INTS2: variants seen among roughly 807,000 people sequenced by gnomAD.
INTS2 encodes integrator complex subunit 2.
In INTS2, 57 loss-of-function variants were observed where a neutral mutation model predicts 139.6. The observed-to-expected ratio is 0.41, with a 90% CI of 0.33 to 0.51. INTS2 has a LOEUF of 0.51. Ranked by LOEUF, INTS2 falls within the 20% of genes least tolerant of loss-of-function variation. The probability of loss-of-function intolerance (pLI) is 0.28; values close to 1 mark genes in which losing one functional copy is unlikely to be tolerated. For missense variants in INTS2, 1,196 were observed against 1,436.7 expected, an observed-to-expected ratio of 0.83 and a Z score of 2.71; for synonymous variants, 473 against 493.4, an observed-to-expected ratio of 0.96 and a Z score of 0.55.
chr17:61,912,045 T>A lies in INTS2; in HGVS notation c.675A>T (p.Gly225=), dbSNP rs1182403407. The A allele has an allele frequency of 6.2e-7, 1 of 1,613,776 alleles. No individual in the cohort carries two copies. Among genetic ancestry groups the A allele is most frequent in the South Asian group, 1.1e-5 (1 of 91,060 alleles). The change falls in exon 6 of 25, where the codon GGA becomes GGT. Residue 225 remains glycine, a synonymous_variant. Coordinates refer to ENST00000251334, the MANE Select transcript of INTS2 (RefSeq NM_001351695.2). ...CAAGACTTTCTTCATCTTGTCGTTCTCCATTTTTTATCAGGCCCCTACAAA... is the reference window on the plus strand; with the variant it reads ...CAAGACTTTCTTCATCTTGTCGTTCACCATTTTTTATCAGGCCCCTACAAA... ...NEVCRGLIKN[G]ERQDEESLGG... is the part of the protein sequence containing the mutation.
intron 13 of INTS2, among the ~76,000 whole-genome samples, chr17:61,892,483 G>C (rs2079304781): frequency 6.6e-6 from 1 of 152,128 alleles, no homozygotes; most frequent in Non-Finnish European, 1.5e-5. Context: ...AGTCATGGCA[G>C]CTTCCCCAAT....
At chr17:61,903,648 C>A (rs1366364117) in intron 9 of INTS2, among the ~76,000 whole-genome samples, 1 of 145,630 alleles carries the variant, frequency 6.9e-6, no homozygotes, top group Non-Finnish European at 1.5e-5. Flanking sequence ...AACAAAAACA[C>A]AGGATAAATA....
intron 12 of INTS2, 121 bp from the exon 13 acceptor site, chr17:61,894,020 G>A: frequency 1.9e-6 from 1 of 522,104 alleles, no homozygotes; most frequent in Non-Finnish European, 3.2e-6. Flanking sequence ...AATGAATGAT[G>A]AAAATAAATT....
At chr17:61,891,391 T>G in intron 14 of INTS2, 122 bp downstream of exon 14, 2 of 761,304 alleles carry the variant, frequency 2.6e-6, no homozygotes, top group East Asian at 2.6e-5. Context: ...CTAAGGAAAT[T>G]TAATCTAATT....
intron 16 of INTS2, among the ~76,000 whole-genome samples, chr17:61,883,594 T>G (rs181344505): frequency 6.6e-6 from 1 of 151,406 alleles, no homozygotes; most frequent in Non-Finnish European, 1.5e-5. Flanking sequence ...CCACTAAAAA[T>G]ACAAAAATTT....
At chr17:61,903,245 G>C (rs1323113174) in intron 9 of INTS2, among the ~76,000 whole-genome samples, 1 of 147,014 alleles carries the variant, frequency 6.8e-6, no homozygotes, top group Non-Finnish European at 1.5e-5. Flanking sequence ...AACAAAGACA[G>C]GAGTCGCACT....
intron 11 of INTS2, among the ~76,000 whole-genome samples, chr17:61,896,925 A>C (rs1403127957): frequency 6.6e-6 from 1 of 152,196 alleles, no homozygotes; most frequent in Non-Finnish European, 1.5e-5. Flanking sequence ...TATCCTAAGA[A>C]AATAATCCAA....
Position 61,907,388 on chromosome 17 carries a change from A to G in INTS2, c.1181+20T>C. 1.3e-6 allele frequency: 2 copies of G among 1,537,898 alleles called. No individual in the cohort carries two copies. The highest frequency in any genetic ancestry group is 1.8e-6 in the Non-Finnish European group (2 of 1,132,764). ...AGAAGGTAAAATGACAAAAAGGTAA[A>G]ATATCAAACTATTGAATACTTGAGT... On this transcript the variant is annotated intron_variant, in intron 8 of 24. Transcript: ENST00000251334.
rs778963495 is a variant in INTS2, at chr17:61,869,461, A to C, written c.3031-81T>G. 1.8e-4 allele frequency: 195 copies of C among 1,110,620 alleles called. 1 individual carries two copies. Among genetic ancestry groups the C allele is most frequent in the Non-Finnish European group, 2.4e-4 (185 of 766,868 alleles). The allele number at this position is 1,110,620 out of a possible 1,614,324, so 68.8% of individuals were successfully genotyped here. A position where few individuals can be genotyped will look rare whatever the true frequency, so the allele number is the denominator to read the frequency against. ...GATAAAAATACAAATGAAAGATTTC[A>C]TTTCCTTTCTGTAAAAATTGCTCAG... On this transcript the variant is annotated intron_variant, in intron 21 of 24. Coordinates refer to ENST00000251334, the MANE Select transcript of INTS2 (RefSeq NM_001351695.2). The surrounding 1 kb of genome is among the most constrained non-coding windows in gnomAD (Gnocchi z 5.4).
In INTS2 at chr17:61,926,667, T is replaced by A. The variant is rs547464491; in HGVS notation, c.-18-5A>T. ...CATTATTACTGTTTGTTGATCCTAA[T>A]GGTAAAAATACAAATGAAAGTAGGA... On this transcript the variant is annotated splice_region_variant and splice_polypyrimidine_tract_variant and intron_variant, in intron 1 of 24. Coordinates refer to ENST00000251334, the MANE Select transcript of INTS2 (RefSeq NM_001351695.2). The A allele has an allele frequency of 6.3e-7, 1 of 1,590,076 alleles. No homozygotes were observed. Among genetic ancestry groups the A allele is most frequent in the Non-Finnish European group, 8.6e-7 (1 of 1,166,324 alleles).
chr17:61,872,291 A>G lies in INTS2; in HGVS notation c.2752T>C (p.Leu918=). ...TDAPEVTREE[L]KNALLAAQDS... ...TGAGCGGCCAGTAATGCATTTTTCA[A>G]TTCTTCCCTGGTAACTTCCGGAGCA... is the stretch of plus-strand genomic sequence containing the variant. Residue 918 remains leucine, a synonymous_variant, in exon 20 of 25, where the codon TTG becomes CTG. Transcript: ENST00000251334. This position sits in a 1 kb window ranked among gnomAD's most constrained non-coding sequence, Gnocchi z 4.8. 7 of 1,611,226 alleles carry G rather than the reference A, an allele frequency of 4.3e-6. No individual in the cohort carries two copies. The highest frequency in any genetic ancestry group is 1.1e-5 in the South Asian group (1 of 90,704).
chr17:61,878,723 C>T (rs892870650), intron 17 of INTS2, among the ~76,000 whole-genome samples: 25 of 152,088 alleles, frequency 1.6e-4, no homozygotes, highest in African/African-American at 5.8e-4. Flanking sequence ...AGGAGGATTG[C>T]ATGAGTCCAG....
chr17:61,895,747 T>C (rs2079341242), intron 11 of INTS2, among the ~76,000 whole-genome samples: 1 of 152,028 alleles, frequency 6.6e-6, no homozygotes, highest in Non-Finnish European at 1.5e-5. Flanking sequence ...TATATGTATA[T>C]ATGTATATGT....
intron 2 of INTS2, among the ~76,000 whole-genome samples, chr17:61,925,734 C>T (rs891155608): frequency 2.0e-5 from 3 of 151,932 alleles, no homozygotes; most frequent in Non-Finnish European, 4.4e-5. Context: ...CTTTAAAAGC[C>T]TCCCAAGAGG....
At chr17:61,891,817 C>T in intron 13 of INTS2, 128 bp from the exon 14 acceptor site, 1 of 636,570 alleles carries the variant, frequency 1.6e-6, no homozygotes, top group South Asian at 2.4e-5. Context: ...TTTGGCAGTT[C>T]CAAATATATT....
At position 61,882,592 on chromosome 17, in the gene INTS2, G is replaced by A. The variant is rs562696802; in HGVS notation, c.2090-1421C>T. Among the ~76,000 whole-genome samples, 13 of 152,254 alleles carry A rather than the reference G, an allele frequency of 8.5e-5. No individual in the cohort carries two copies. The South Asian group carries it at 2.7e-3, about 32-fold the overall frequency. On this transcript the variant is annotated intron_variant, in intron 16 of 24. Transcript: ENST00000251334. The surrounding 1 kb of genome is among the most constrained non-coding windows in gnomAD (Gnocchi z 4.7). ...AAAAATACAAAAATTAGCCAGGCGT[G>A]GTGGCACACGCCTGTAATCCTGGCT...
In INTS2 at chr17:61,867,017, G is replaced by A. The variant is rs1307188871; in HGVS notation, c.*540C>T. On this transcript the variant is annotated 3_prime_UTR_variant, in exon 25 of 25. Transcript: ENST00000251334. The surrounding 1 kb of genome is among the most constrained non-coding windows in gnomAD (Gnocchi z 5.6). The stretch of plus-strand genomic sequence containing the variant: ...AAGTCTTCTCAATACTCTTTCTTGA[G>A]AACTAGAATTCCAACTTGCATTACT... 1 of 152,182 alleles carries A rather than the reference G, an allele frequency of 6.6e-6. No individual in the cohort carries two copies. Among genetic ancestry groups the A allele is most frequent in the Non-Finnish European group, 1.5e-5 (1 of 68,028 alleles). 9.4% of individuals were successfully genotyped at this position (152,182 alleles called of 1,614,324 possible). A position where few individuals can be genotyped will look rare whatever the true frequency, so the allele number is the denominator to read the frequency against.
chr17:61,888,429 C>A (rs1178199579), intron 15 of INTS2, among the ~76,000 whole-genome samples: 1 of 152,152 alleles, frequency 6.6e-6, no homozygotes, highest in African/African-American at 2.4e-5. Flanking sequence ...GGTAAACCTT[C>A]TTTTTCAAAT....
chr17:61,927,442 T>C (rs1472597280), intron 1 of INTS2: 1 of 167,252 alleles, frequency 6.0e-6, no homozygotes, highest in African/African-American at 2.4e-5. Flanking sequence ...TGGGTAAAAG[T>C]CGTGGGTAAA....
Sources: gnomAD v4.1 joint callset for allele counts (sites outside exome capture counted in the v4.1 genomes callset) on GRCh38, gnomAD v4.1.1 for gene constraint, Gnocchi (gnomAD v3.1) non-coding constraint, MANE v1.5 for transcripts, NCBI Gene and HGNC (gene_info 2026-07-23, HGNC 2026-07-21) for gene names.